QTGAL: variants seen among roughly 807,000 people sequenced by gnomAD.
QTGAL encodes the protein BGnT-like protein 1.
the QTGAL span, among the ~76,000 whole-genome samples, chr17:82,973,778 G>T: frequency 6.6e-6 from 1 of 152,190 alleles, no homozygotes; most frequent in African/African-American, 2.4e-5. Flanking sequence ...ACGAACAGTC[G>T]GACTGGGTCC....
the QTGAL span, among the ~76,000 whole-genome samples, chr17:82,993,980 A>C: frequency 6.6e-6 from 1 of 152,160 alleles, no homozygotes; most frequent in East Asian, 1.9e-4. Flanking sequence ...AACACAACAT[A>C]CCAAAACCTA....
chr17:82,956,950 C>G, the QTGAL span: 1 of 942,434 alleles, frequency 1.1e-6, no homozygotes, highest in South Asian at 1.5e-5. This position sits in a 1 kb window ranked among gnomAD's most constrained non-coding sequence, Gnocchi z 5.7. Flanking sequence ...CTCCCGCCAC[C>G]CCCGCCTGAC....
the QTGAL span, chr17:82,942,451 T>C: frequency 6.2e-7 from 1 of 1,613,986 alleles, no homozygotes; most frequent in East Asian, 2.2e-5. Flanking sequence ...TTCTTCAGCC[T>C]GGTGCCTGCT....
At chr17:83,037,740 G>A in the QTGAL span, among the ~76,000 whole-genome samples, 1 of 152,234 alleles carries the variant, frequency 6.6e-6, no homozygotes, top group African/African-American at 2.4e-5. This position sits in a 1 kb window ranked among gnomAD's most constrained non-coding sequence, Gnocchi z 5.2. Flanking sequence ...TTAGCGTCAG[G>A]TTTCAGGAGA....
chr17:82,950,488 G>A, the QTGAL span, among the ~76,000 whole-genome samples: 1 of 152,174 alleles, frequency 6.6e-6, no homozygotes, highest in African/African-American at 2.4e-5. Flanking sequence ...AACCAGATTC[G>A]TGTAGAATTT....
At chr17:83,013,484 C>T in the QTGAL span, among the ~76,000 whole-genome samples, 3 of 144,376 alleles carry the variant, frequency 2.1e-5, no homozygotes, top group Non-Finnish European at 3.0e-5. Context: ...CCCCTTCAGA[C>T]GCCCCCAGCA....
chr17:83,006,558 G>A, the QTGAL span: 4 of 985,372 alleles, frequency 4.1e-6, no homozygotes, highest in Non-Finnish European at 4.8e-6. This position sits in a 1 kb window ranked among gnomAD's most constrained non-coding sequence, Gnocchi z 5.8. Flanking sequence ...CCCAGGGCAC[G>A]AGCACCCGAG....
chr17:83,050,133 G>A, the QTGAL span, among the ~76,000 whole-genome samples: 2 of 152,164 alleles, frequency 1.3e-5, no homozygotes, highest in East Asian at 3.9e-4. Context: ...CAGTTTGGGA[G>A]GCCGAGGCGG....
chr17:83,019,741 C>CT, the QTGAL span, among the ~76,000 whole-genome samples: 7 of 151,706 alleles, frequency 4.6e-5, no homozygotes, highest in Admixed American at 2.0e-4. Flanking sequence ...AACTTTCTCT[C>CT]TTTTTTTTTG....
chr17:83,036,160 T>G, the QTGAL span, among the ~76,000 whole-genome samples: 1 of 152,088 alleles, frequency 6.6e-6, no homozygotes, highest in Non-Finnish European at 1.5e-5. Context: ...AACTGGGAAC[T>G]ACCCAAGTGC....
At chr17:82,959,741 G>C in the QTGAL span, among the ~76,000 whole-genome samples, 2 of 152,008 alleles carry the variant, frequency 1.3e-5, no homozygotes, top group Non-Finnish European at 2.9e-5. Flanking sequence ...GGTTTGGGGG[G>C]CCTCTGACAC....
the QTGAL span, among the ~76,000 whole-genome samples, chr17:83,039,078 C>G: frequency 2.0e-5 from 3 of 152,184 alleles, no homozygotes; most frequent in Non-Finnish European, 2.9e-5. Flanking sequence ...ATGATGATGA[C>G]AGACAGCTGC....
the QTGAL span, among the ~76,000 whole-genome samples, chr17:82,963,223 C>A: frequency 6.6e-6 from 1 of 152,310 alleles, no homozygotes; most frequent in Middle Eastern, 3.4e-3. Context: ...GAAGGCCGGG[C>A]CAGAGGCTGT....
At chr17:83,020,404 C>T in the QTGAL span, among the ~76,000 whole-genome samples, 3 of 152,182 alleles carry the variant, frequency 2.0e-5, no homozygotes, top group East Asian at 3.9e-4. Context: ...CAGGAACGGA[C>T]GAATAAGTTG....
the QTGAL span, among the ~76,000 whole-genome samples, chr17:82,951,826 C>T: frequency 1.3e-5 from 2 of 151,610 alleles, no homozygotes; most frequent in African/African-American, 4.9e-5. Flanking sequence ...AGCGGGGAGG[C>T]GACAGCTGCT....
the QTGAL span, among the ~76,000 whole-genome samples, chr17:82,972,323 C>T: frequency 3.3e-4 from 41 of 125,852 alleles, no homozygotes; most frequent in African/African-American, 7.0e-4. Flanking sequence ...CCACAGGGGC[C>T]AGAAGGACCT....
chr17:82,968,471 G>A, the QTGAL span, among the ~76,000 whole-genome samples: 5 of 151,082 alleles, frequency 3.3e-5, no homozygotes, highest in Middle Eastern at 3.4e-3. Context: ...CAGTGTGCAC[G>A]GTGCACAGAT....
chr17:83,035,929 G>A, the QTGAL span, among the ~76,000 whole-genome samples: 355 of 99,984 alleles, frequency 3.6e-3, 2 homozygotes, highest in Middle Eastern at 0.021. Context: ...CGGTTTGCAC[G>A]TGTGTGATGG....
the QTGAL span, chr17:83,006,980 G>A: frequency 1.7e-5 from 7 of 408,592 alleles, no homozygotes; most frequent in East Asian, 4.8e-4. This position sits in a 1 kb window ranked among gnomAD's most constrained non-coding sequence, Gnocchi z 5.8. Flanking sequence ...TCTGCCTCTC[G>A]CCAGCACTGG....
Sources: allele counts gnomAD v4.1 joint callset (sites outside exome capture counted in the v4.1 genomes callset), GRCh38; gene constraint gnomAD v4.1.1; non-coding constraint Gnocchi (gnomAD v3.1); transcripts MANE v1.5; gene names NCBI Gene and HGNC (gene_info 2026-07-23, HGNC 2026-07-21).